Variants in IMPG2 observed in about 807,000 individuals in gnomAD.
IMPG2 encodes interphotoreceptor matrix proteoglycan 2.
IMPG2 carries 91 observed loss-of-function variants against 129.2 expected under a neutral mutation model. That is an observed-to-expected ratio of 0.70 (90% CI 0.59 to 0.84). The LOEUF is 0.84. Ranked by LOEUF, IMPG2 falls within the 40% of genes least tolerant of loss-of-function variation. The pLI is 0.00. For synonymous variants in IMPG2, 510 were observed against 517.7 expected (o/e 0.99, Z 0.20); for missense variants, 1,430 against 1,461.7 (o/e 0.98, Z 0.35).
At chr3:101,279,441 CT>C (rs1337162808) in intron 4 of IMPG2, among the ~76,000 whole-genome samples, 1 of 152,196 alleles carries the variant, frequency 6.6e-6, no homozygotes, top group Non-Finnish European at 1.5e-5. Context: ...CAACATGGCC[CT>C]TATGTGATCC....
In IMPG2 at chr3:101,232,879, C is replaced by T; in HGVS notation, c.3135G>A (p.Val1045=). ...KCRCFPGYLS[V]EERPCQSLCD... ...AGAGACTCTGACAGGGCCGTTCTTCCACACTCAGGTATCCAGGGAAGCATC... is the reference window on the plus strand; with the variant it reads ...AGAGACTCTGACAGGGCCGTTCTTCTACACTCAGGTATCCAGGGAAGCATC... The change falls in exon 15 of 19, where the codon GTG becomes GTA. Residue 1045 remains valine (V), a synonymous_variant. Transcript: ENST00000193391. 1 of 1,613,898 alleles carries T rather than the reference C, an allele frequency of 6.2e-7. No individual in the cohort carries two copies. Among genetic ancestry groups the T allele is most frequent in the Non-Finnish European group, 8.5e-7 (1 of 1,179,976 alleles).
intron 3 of IMPG2, 32 bp from the exon 4 acceptor site, chr3:101,291,542 G>A (rs1381234304): frequency 1.3e-6 from 2 of 1,528,070 alleles, no homozygotes; most frequent in South Asian, 2.2e-5. Flanking sequence ...AAATGACTGA[G>A]TTAACAACAG....
intron 4 of IMPG2, among the ~76,000 whole-genome samples, chr3:101,283,108 T>C (rs1235316190): frequency 6.6e-6 from 1 of 152,098 alleles, no homozygotes; most frequent in African/African-American, 2.4e-5. Flanking sequence ...CTGCAACCTC[T>C]GCCTCTCAGG....
Position 101,253,730 on chromosome 3 carries a change from C to T in IMPG2, c.1205G>A (p.Ser402Asn), listed in dbSNP as rs1414770820. 3 of 1,612,126 alleles carry T rather than the reference C, an allele frequency of 1.9e-6. No homozygotes were observed. Among genetic ancestry groups the T allele is most frequent in the South Asian group, 1.1e-5 (1 of 90,854 alleles). The change falls in exon 11 of 19, where the codon AGT becomes AAT. Residue 402 changes from serine to asparagine, a missense_variant. Ser to Asn is a conservative substitution (Grantham distance 46). Transcript: ENST00000193391. Reference sequence around the variant, plus strand: ...TGACGGCGTTGCCTGAAGACTTGAACTTTGGGTGTTCCAAACTAGATCTTC... The same window carrying T: ...TGACGGCGTTGCCTGAAGACTTGAATTTTGGGTGTTCCAAACTAGATCTTC... ...QTEDLVWNTQ[S>N]SSLQATPSSI...
chr3:101,316,302 C>G (rs563909), intron 2 of IMPG2, among the ~76,000 whole-genome samples: 1 of 151,748 alleles, frequency 6.6e-6, no homozygotes, highest in Admixed American at 6.6e-5. Flanking sequence ...AATACATCAT[C>G]AAGAAAATAG....
At chr3:101,319,957 G>T in intron 1 of IMPG2, 125 bp from the exon 2 acceptor site, 1 of 961,900 alleles carries the variant, frequency 1.0e-6, no homozygotes, top group Non-Finnish European at 1.6e-6. Context: ...TCATAGGCAG[G>T]CATGCATATC....
chr3:101,315,388 C>G (rs188432436), intron 2 of IMPG2, among the ~76,000 whole-genome samples: 4 of 152,190 alleles, frequency 2.6e-5, no homozygotes, highest in African/African-American at 7.2e-5. Flanking sequence ...AATTCAGAGT[C>G]AGGGACGATG....
chr3:101,229,991 G>A (rs909200781), intron 16 of IMPG2, among the ~76,000 whole-genome samples: 109 of 152,116 alleles, frequency 7.2e-4, no homozygotes, highest in African/African-American at 2.6e-3. Context: ...ACGGTCTAGG[G>A]GAAGCAGAGC....
At position 101,226,156 on chromosome 3, in the gene IMPG2, C is replaced by T. The variant is rs1392757300; in HGVS notation, c.*813G>A. On this transcript the variant is annotated 3_prime_UTR_variant, in exon 19 of 19. Coordinates refer to ENST00000193391, the MANE Select transcript of IMPG2 (RefSeq NM_016247.4). ...TATATTCTCAGCACTGGGGTCTTGACCCGACACTCACTCCCTCCCTGCCCA... is the reference window on the plus strand; with the variant it reads ...TATATTCTCAGCACTGGGGTCTTGATCCGACACTCACTCCCTCCCTGCCCA... 7.1e-6 allele frequency: 1 copy of T among 140,458 alleles called. No individual in the cohort carries two copies. Among genetic ancestry groups the T allele is most frequent in the African/African-American group, 2.7e-5 (1 of 37,234 alleles). The allele number at this position is 140,458 out of a possible 1,614,324, so 8.7% of individuals were successfully genotyped here.
At chr3:101,270,124 G>A (rs1706765671) in intron 7 of IMPG2, among the ~76,000 whole-genome samples, 1 of 151,484 alleles carries the variant, frequency 6.6e-6, no homozygotes, top group African/African-American at 2.4e-5. Context: ...TTTACTAGAG[G>A]CGGGGTTTCA....
At chr3:101,232,717 G>A in intron 15 of IMPG2, 64 bp downstream of exon 15, 3 of 1,367,300 alleles carry the variant, frequency 2.2e-6, no homozygotes, top group Non-Finnish European at 3.1e-6. Context: ...TATAGGTGCA[G>A]GCCCCTTTTC....
At position 101,225,815 on chromosome 3, in the gene IMPG2, T is replaced by C. The variant is rs563876111; in HGVS notation, c.*1154A>G. The C allele has an allele frequency of 6.6e-6, 1 of 152,206 alleles. No homozygotes were observed. The highest frequency in any genetic ancestry group is 2.4e-5 in the African/African-American group (1 of 41,512). 9.4% of individuals were successfully genotyped at this position (152,206 alleles called of 1,614,324 possible). On this transcript the variant is annotated 3_prime_UTR_variant, in exon 19 of 19. Transcript: ENST00000193391. Reference sequence around the variant, plus strand: ...AAAGCAACCCATTCAAAAAAAACACTAGGGGGAAAGAGGAAAATTTCCATT... The same window carrying C: ...AAAGCAACCCATTCAAAAAAAACACCAGGGGGAAAGAGGAAAATTTCCATT...
chr3:101,316,768 C>G (rs1187334484), intron 2 of IMPG2, among the ~76,000 whole-genome samples: 1 of 152,026 alleles, frequency 6.6e-6, no homozygotes, highest in Non-Finnish European at 1.5e-5. Context: ...AATATGTTCA[C>G]AGAAAAACTT....
rs575883102 is a variant in IMPG2 at position 101,225,526 on chromosome 3, C to T, written c.*1443G>A. 1.3e-5 allele frequency: 2 copies of T among 152,194 alleles called. No individual in the cohort carries two copies. Among genetic ancestry groups the T allele is most frequent in the South Asian group, 2.1e-4 (1 of 4,822 alleles). The allele number at this position is 152,194 out of a possible 1,614,324, so 9.4% of individuals were successfully genotyped here. ...AGCTTTACTGTGGCATGCACTGAGC[C>T]CAGATATTTAGTTTCCGGTGTCCTC... On this transcript the variant is annotated 3_prime_UTR_variant, in exon 19 of 19. Coordinates refer to ENST00000193391, the MANE Select transcript of IMPG2 (RefSeq NM_016247.4).
chr3:101,297,775 G>T (rs1198230141), intron 3 of IMPG2, among the ~76,000 whole-genome samples: 1 of 152,146 alleles, frequency 6.6e-6, no homozygotes, highest in Non-Finnish European at 1.5e-5. Flanking sequence ...TATTTGTTAT[G>T]ATTTCAGTTC....
intron 11 of IMPG2, 41 bp downstream of exon 11, chr3:101,253,655 A>C (rs372317854): frequency 1.7e-5 from 23 of 1,358,352 alleles, no homozygotes; most frequent in Non-Finnish European, 2.1e-5. Context: ...AAAGAAGAGA[A>C]GCTTGAGGGC....
Position 101,244,109 on chromosome 3 carries a change from G to A in IMPG2, c.2222C>T (p.Ala741Val). The A allele has an allele frequency of 1.9e-6, 3 of 1,613,980 alleles. No individual in the cohort carries two copies. Among genetic ancestry groups the A allele is most frequent in the Non-Finnish European group, 2.5e-6 (3 of 1,179,962 alleles). ...ASTDKSDQAD[A>V]ILREDMEQIT... ...TTGTTCCATATCCTCCCTTAGGATG[G>A]CATCTGCCTGATCTGATTTATCAGT... The change falls in exon 13 of 19, where the codon GCC (alanine) becomes GTC (valine). Residue 741 changes from alanine (A) to valine (V), a missense_variant. By Grantham distance (64) the Ala-to-Val change is moderately conservative. Coordinates refer to ENST00000193391, the MANE Select transcript of IMPG2 (RefSeq NM_016247.4).
chr3:101,302,318 C>T (rs1319162688), intron 3 of IMPG2, among the ~76,000 whole-genome samples: 2 of 152,146 alleles, frequency 1.3e-5, no homozygotes, highest in Non-Finnish European at 2.9e-5. Flanking sequence ...TATATATTTG[C>T]CACACTAATG....
chr3:101,256,234 T>G (rs1257920395), intron 10 of IMPG2, among the ~76,000 whole-genome samples: 1 of 145,818 alleles, frequency 6.9e-6, no homozygotes, highest in Non-Finnish European at 1.5e-5. Context: ...ATATCTTATT[T>G]GGGAAATAAG....
Sources: allele counts gnomAD v4.1 joint callset (sites outside exome capture counted in the v4.1 genomes callset), GRCh38; gene constraint gnomAD v4.1.1; transcripts MANE v1.5; gene names NCBI Gene and HGNC (gene_info 2026-07-23, HGNC 2026-07-21).